Variants in NFE2L3 observed in about 807,000 individuals in gnomAD.
The protein encoded by NFE2L3 is NFE2 like bZIP transcription factor 3, also known as nuclear factor erythroid 2-related factor 3.
NFE2L3 carries 18 observed loss-of-function variants against 23.5 expected under a neutral mutation model. The observed-to-expected ratio is 0.77, with a 90% CI of 0.53 to 1.13. The LOEUF is 1.13. Among genes scored for constraint, NFE2L3 ranks in the 50% most tolerant of loss-of-function variants. The probability of loss-of-function intolerance (pLI) is 0.00; values close to 1 mark genes in which losing one functional copy is unlikely to be tolerated. For missense variants in NFE2L3, 1,152 were observed against 877.2 expected (o/e 1.31, Z -3.96); for synonymous variants, 424 against 354.5 (o/e 1.20, Z -2.20).
Position 26,184,875 on chromosome 7 carries a change from A to C in NFE2L3, c.1177A>C (p.Asn393His), listed in dbSNP as rs762196373. The C allele has an allele frequency of 8.1e-6, 13 of 1,613,716 alleles. No homozygotes were observed. In the East Asian group the frequency reaches 2.7e-4, roughly 33 times the overall value. The change falls in exon 4 of 4, where the codon AAC (asparagine) becomes CAC (histidine). Residue 393 changes from asparagine (N) to histidine (H), a missense_variant. Physicochemically the swap from Asn to His is moderately conservative, Grantham distance 68. Transcript: ENST00000056233. ...TGACATAAATATATTTGATGAGATA[A>C]ACTTAATGTCATTGGCCACAGAAGA... The part of the protein sequence containing the change: ...DLDINIFDEI[N>H]LMSLATEDNF...
intron 1 of NFE2L3, among the ~76,000 whole-genome samples, chr7:26,162,586 T>A (rs961413601): frequency 6.6e-6 from 1 of 152,200 alleles, no homozygotes; most frequent in Non-Finnish European, 1.5e-5. Flanking sequence ...AATGATACTC[T>A]TTACTGCCGC....
chr7:26,185,864 G>T lies in NFE2L3; in HGVS notation c.*81G>T. On this transcript the variant is annotated 3_prime_UTR_variant, in exon 4 of 4. Coordinates refer to ENST00000056233, the MANE Select transcript of NFE2L3 (RefSeq NM_004289.7). ...ATTTGGATCAGAAACCATTGAAACT[G>T]CTTCAAGAATTGTATCTTTAAGTAC... 1.7e-6 allele frequency: 2 copies of T among 1,171,196 alleles called. No homozygotes were observed. The highest frequency in any genetic ancestry group is 2.4e-6 in the Non-Finnish European group (2 of 845,306). The allele number at this position is 1,171,196 out of a possible 1,614,324, so 72.6% of individuals were successfully genotyped here.
intron 1 of NFE2L3, among the ~76,000 whole-genome samples, chr7:26,155,395 T>C (rs1285380037): frequency 1.3e-5 from 2 of 152,070 alleles, no homozygotes; most frequent in Non-Finnish European, 2.9e-5. Context: ...TGAGCCGAGA[T>C]TGTGCCACTG....
chr7:26,152,590 A>G lies in NFE2L3; in HGVS notation c.92A>G (p.Asp31Gly), dbSNP rs1480453259. The G allele has an allele frequency of 3.2e-6, 5 of 1,548,020 alleles. No homozygotes were observed. Among genetic ancestry groups the G allele is most frequent in the Non-Finnish European group, 4.3e-6 (5 of 1,158,394 alleles). ...TTGGCGGGGCTCCGCGTAGACCTAGATCTTTACCTGCTGCTGCCGCCGCCC... is the reference window on the plus strand; with the variant it reads ...TTGGCGGGGCTCCGCGTAGACCTAGGTCTTTACCTGCTGCTGCCGCCGCCC... ...LSLAGLRVDL[D>G]LYLLLPPPTL... is the part of the protein sequence containing the mutation. The change falls in exon 1 of 4, where the codon GAT (aspartate) becomes GGT (glycine). Residue 31 changes from aspartate to glycine, a missense_variant. Transcript: ENST00000056233. The surrounding 1 kb of genome is among the most constrained non-coding windows in gnomAD (Gnocchi z 4.4).
rs59356003 is a variant in NFE2L3, at chr7:26,176,851, T to C, written c.571-1092T>C. Among the ~76,000 whole-genome samples, 198 of 61,578 alleles carry C rather than the reference T, an allele frequency of 3.2e-3. 68 individuals carry two copies. The highest frequency in any genetic ancestry group is 0.017 in the East Asian group (11 of 664). 40.4% of individuals were successfully genotyped at this position (61,578 alleles called of 152,430 possible). A position where few individuals can be genotyped will look rare whatever the true frequency, so the allele number is the denominator to read the frequency against. ...CGCTCCTCACTTCCCAGACGATGGG[T>C]GGCCGGGCAGAGGCACTCCTCACCT... On this transcript the variant is annotated intron_variant, in intron 1 of 3. Transcript: ENST00000056233.
At position 26,185,553 on chromosome 7, in the gene NFE2L3, ACT is replaced by A; in HGVS notation, c.1858_1859del (p.Leu620Ter). ...ATGTAACTTGCAAGCAAAGAAGGAA[ACT>A]CTTAAGAGAGAGCAAGCACAATGTA... is the stretch of plus-strand genomic sequence containing the variant. ...DVCNLQAKKE[T>X]LKREQAQCNK... On this transcript the variant is annotated frameshift_variant, in exon 4 of 4. Transcript: ENST00000056233. LOFTEE classifies it low-confidence loss of function (END_TRUNC). 3 of 1,613,800 alleles carry A rather than the reference ACT, an allele frequency of 1.9e-6. No individual in the cohort carries two copies. Among genetic ancestry groups the A allele is most frequent in the South Asian group, 1.1e-5 (1 of 91,052 alleles).
intron 1 of NFE2L3, among the ~76,000 whole-genome samples, chr7:26,166,134 G>A (rs1458996457): frequency 9.6e-6 from 1 of 103,970 alleles, no homozygotes; most frequent in African/African-American, 4.3e-5. Context: ...GAGCGGGTGG[G>A]GCGGGGGGGA....
Position 26,183,794 on chromosome 7 carries a change from ACTTTGGCTTTTATC to A in NFE2L3, c.834+13_834+26del. 6.3e-7 allele frequency: 1 copy of A among 1,596,836 alleles called. No individual in the cohort carries two copies. Among genetic ancestry groups the A allele is most frequent in the Non-Finnish European group, 8.6e-7 (1 of 1,164,220 alleles). On this transcript the variant is annotated intron_variant, in intron 3 of 3. Coordinates refer to ENST00000056233, the MANE Select transcript of NFE2L3 (RefSeq NM_004289.7). ...TGAAAATTCACTGGAGGTAATTGGA[ACTTTGGCTTTTATC>A]CTCGCAGGAACATATCTGCACTGAC... is the stretch of plus-strand genomic sequence containing the variant.
In NFE2L3 at chr7:26,152,378, T is replaced by G; in HGVS notation, c.-121T>G. The G allele has an allele frequency of 1.5e-6, 1 of 662,976 alleles. No homozygotes were observed. Among genetic ancestry groups the G allele is most frequent in the Non-Finnish European group, 2.0e-6 (1 of 491,680 alleles). The allele number at this position is 662,976 out of a possible 1,614,324, so 41.1% of individuals were successfully genotyped here. On this transcript the variant is annotated 5_prime_UTR_variant, in exon 1 of 4. Coordinates refer to ENST00000056233, the MANE Select transcript of NFE2L3 (RefSeq NM_004289.7). The surrounding 1 kb of genome is among the most constrained non-coding windows in gnomAD (Gnocchi z 4.4). The stretch of plus-strand genomic sequence containing the variant: ...GCCGCCACGCGCCCCGGTCCATTGT[T>G]TCGCTTATCTGGGTTCCAGGCAGGT...
In NFE2L3 at chr7:26,152,451, C is replaced by T. The variant is rs1252487625; in HGVS notation, c.-48C>T. 9.0e-6 allele frequency: 11 copies of T among 1,218,850 alleles called. No individual in the cohort carries two copies. The highest frequency in any genetic ancestry group is 5.1e-6 in the Non-Finnish European group (5 of 977,384). The allele number at this position is 1,218,850 out of a possible 1,614,324, so 75.5% of individuals were successfully genotyped here. Reference sequence around the variant, plus strand: ...ACGTGTCACCCCGGCGGCTGGGGCGCCGGGACCCGCGGGCGCCGGCAGGGG... The same window carrying T: ...ACGTGTCACCCCGGCGGCTGGGGCGTCGGGACCCGCGGGCGCCGGCAGGGG... On this transcript the variant is annotated 5_prime_UTR_variant, in exon 1 of 4. Coordinates refer to ENST00000056233, the MANE Select transcript of NFE2L3 (RefSeq NM_004289.7). The surrounding 1 kb of genome is among the most constrained non-coding windows in gnomAD (Gnocchi z 4.4).
At position 26,152,644 on chromosome 7, in the gene NFE2L3, T is replaced by A; in HGVS notation, c.146T>A (p.Leu49Gln). ...PTLLQDELLF[L>Q]GGPASSAYAL... ...CTGCTGCAGGACGAGCTGCTGTTCCTGGGCGGCCCGGCCAGCTCCGCCTAC... is the reference window on the plus strand; with the variant it reads ...CTGCTGCAGGACGAGCTGCTGTTCCAGGGCGGCCCGGCCAGCTCCGCCTAC... The change falls in exon 1 of 4, where the codon CTG becomes CAG. Residue 49 changes from leucine (L) to glutamine (Q), a missense_variant. Transcript: ENST00000056233. This position sits in a 1 kb window ranked among gnomAD's most constrained non-coding sequence, Gnocchi z 4.4. 6.6e-7 allele frequency: 1 copy of A among 1,517,548 alleles called. No individual in the cohort carries two copies. The highest frequency in any genetic ancestry group is 8.8e-7 in the Non-Finnish European group (1 of 1,142,244). 94.0% of individuals were successfully genotyped at this position (1,517,548 alleles called of 1,614,324 possible). A position where few individuals can be genotyped will look rare whatever the true frequency, so the allele number is the denominator to read the frequency against.
chr7:26,185,153 C>A lies in NFE2L3; in HGVS notation c.1455C>A (p.Phe485Leu), dbSNP rs146432542. The change falls in exon 4 of 4, where the codon TTC (phenylalanine) becomes TTA (leucine). Residue 485 changes from phenylalanine (F) to leucine (L), a missense_variant. By Grantham distance (22) the Phe-to-Leu change is conservative (BLOSUM62 0). Transcript: ENST00000056233. ...ACTTGGATCAAAGTGATTCTGATTT[C>A]CATGGAGATCTTACATTTCAACACG... ...LCHLDQSDSD[F>L]HGDLTFQHVF... The A allele has an allele frequency of 3.7e-5, 60 of 1,613,724 alleles. 3 individuals are homozygous for A. In the Admixed American group the frequency reaches 8.0e-4, roughly 22 times the overall value.
intron 1 of NFE2L3, among the ~76,000 whole-genome samples, chr7:26,164,910 A>G (rs1223174837): frequency 6.6e-6 from 1 of 152,238 alleles, no homozygotes; most frequent in Non-Finnish European, 1.5e-5. Flanking sequence ...TTTATTAAAT[A>G]GGGAATCCTT....
intron 1 of NFE2L3, among the ~76,000 whole-genome samples, chr7:26,159,694 ACTGT>A (rs1784139534): frequency 6.6e-6 from 1 of 152,194 alleles, no homozygotes; most frequent in South Asian, 2.1e-4. Context: ...TTTAATGCCA[ACTGT>A]CTGAGTGGAT....
intron 1 of NFE2L3, among the ~76,000 whole-genome samples, chr7:26,177,135 G>A (rs1316241637): frequency 6.9e-6 from 1 of 145,862 alleles, no homozygotes; most frequent in Non-Finnish European, 1.5e-5. Flanking sequence ...GGGCAGAGGC[G>A]CTCCTTACAT....
Position 26,184,815 on chromosome 7 carries a change from A to T in NFE2L3, c.1117A>T (p.Arg373Trp). The change falls in exon 4 of 4, where the codon AGG (arginine) becomes TGG (tryptophan). Residue 373 changes from arginine (R) to tryptophan (W), a missense_variant. Transcript: ENST00000056233. ...GFLSPVDNHMRNLTSQDLLYD... is the reference protein window; with the variant it reads ...GFLSPVDNHMWNLTSQDLLYD... Reference sequence around the variant, plus strand: ...TCTTTCACCGGTTGACAATCATATGAGGAATCTAACAAGCCAAGACCTACT... The same window carrying T: ...TCTTTCACCGGTTGACAATCATATGTGGAATCTAACAAGCCAAGACCTACT... The T allele has an allele frequency of 6.2e-7, 1 of 1,613,938 alleles. No individual in the cohort carries two copies. The highest frequency in any genetic ancestry group is 8.5e-7 in the Non-Finnish European group (1 of 1,179,810).
intron 1 of NFE2L3, among the ~76,000 whole-genome samples, chr7:26,166,144 A>G (rs1365317474): frequency 6.7e-6 from 1 of 149,314 alleles, no homozygotes; most frequent in African/African-American, 2.5e-5. Context: ...GGCGGGGGGG[A>G]AAGAATTCAC....
In NFE2L3 at chr7:26,185,188, A is replaced by G; in HGVS notation, c.1490A>G (p.Asn497Ser). The G allele has an allele frequency of 4.3e-6, 7 of 1,613,862 alleles. No homozygotes were observed. The highest frequency in any genetic ancestry group is 5.9e-6 in the Non-Finnish European group (7 of 1,179,848). Residue 497 changes from asparagine to serine, a missense_variant, in exon 4 of 4, where the codon AAC (asparagine) becomes AGC (serine). Transcript: ENST00000056233. ...GDLTFQHVFHNHTYHLQPTAP... is the reference protein window; with the variant it reads ...GDLTFQHVFHSHTYHLQPTAP... Reference sequence around the variant, plus strand: ...CTTACATTTCAACACGTATTTCATAACCACACTTACCACTTACAGCCAACT... The same window carrying G: ...CTTACATTTCAACACGTATTTCATAGCCACACTTACCACTTACAGCCAACT...
At chr7:26,162,998 C>A (rs1784196050) in intron 1 of NFE2L3, among the ~76,000 whole-genome samples, 2 of 152,200 alleles carry the variant, frequency 1.3e-5, no homozygotes, top group Non-Finnish European at 2.9e-5. Context: ...AGGTCCATAT[C>A]ACATTTTATT....
Sources: allele counts gnomAD v4.1 joint callset (sites outside exome capture counted in the v4.1 genomes callset), GRCh38; gene constraint gnomAD v4.1.1; non-coding constraint Gnocchi (gnomAD v3.1); transcripts MANE v1.5; gene names NCBI Gene and HGNC (gene_info 2026-07-23, HGNC 2026-07-21).